GLG1: variants seen among roughly 807,000 people sequenced by gnomAD.
GLG1 encodes the protein golgi glycoprotein 1, also known as Golgi apparatus protein 1.
In GLG1, 38 loss-of-function variants were observed where a neutral mutation model predicts 160.5. The ratio of observed to expected loss-of-function variants is 0.24; its 90% CI spans 0.18 to 0.31. The LOEUF (loss-of-function observed/expected upper bound fraction) is 0.31. Among genes scored for constraint, GLG1 ranks in the 10% least tolerant of loss-of-function variants. GLG1 has a pLI of 1.00. For synonymous variants in GLG1, 644 were observed against 543.4 expected (o/e 1.19, Z -2.57); for missense variants, 1,373 against 1,505.2 (o/e 0.91, Z 1.45).
chr16:74,509,163 ATTTTTTTTTTTTT>A (rs11295055), intron 2 of GLG1, among the ~76,000 whole-genome samples: 4 of 89,614 alleles, frequency 4.5e-5, no homozygotes, highest in Non-Finnish European at 8.5e-5. Flanking sequence ...CTAAAGGACA[ATTTTTTTTTTTTT>A]TTTTTTTTTT....
chr16:74,487,844 T>C (rs1487347000), intron 8 of GLG1, among the ~76,000 whole-genome samples: 1 of 152,162 alleles, frequency 6.6e-6, no homozygotes, highest in Non-Finnish European at 1.5e-5. Context: ...GGGATCATTA[T>C]CATTGCCACT....
chr16:74,595,173 G>T (rs1001432685), intron 1 of GLG1, among the ~76,000 whole-genome samples: 3 of 151,168 alleles, frequency 2.0e-5, no homozygotes, highest in African/African-American at 7.3e-5. Flanking sequence ...GGGCAACAGA[G>T]CAAGAATCCG....
chr16:74,523,686 C>T (rs553247902), intron 2 of GLG1, among the ~76,000 whole-genome samples: 1 of 151,970 alleles, frequency 6.6e-6, no homozygotes, highest in South Asian at 2.1e-4. Flanking sequence ...TGATGCTTTA[C>T]ATGTTACTTT....
chr16:74,527,912 T>C (rs1597311612), intron 2 of GLG1, among the ~76,000 whole-genome samples: 1 of 137,408 alleles, frequency 7.3e-6, no homozygotes. Flanking sequence ...TGAGATGGAG[T>C]CTCGTTCTGT....
chr16:74,580,143 C>T (rs190473408), intron 1 of GLG1, among the ~76,000 whole-genome samples: 3 of 152,106 alleles, frequency 2.0e-5, no homozygotes, highest in East Asian at 3.9e-4. Context: ...AAACACAGGC[C>T]TAAATCCTAA....
intron 1 of GLG1, among the ~76,000 whole-genome samples, chr16:74,538,631 T>A (rs1030853593): frequency 7.2e-5 from 11 of 152,324 alleles, no homozygotes; most frequent in African/African-American, 2.6e-4. Context: ...AATGTTCTGA[T>A]TCACTAAAGA....
At chr16:74,601,901 C>T (rs1057314829) in intron 1 of GLG1, among the ~76,000 whole-genome samples, 2 of 152,112 alleles carry the variant, frequency 1.3e-5, no homozygotes, top group Non-Finnish European at 2.9e-5. Flanking sequence ...TTCCTGAACA[C>T]CAGCTCTACC....
chr16:74,503,542 G>A lies in GLG1; in HGVS notation c.763C>T (p.Leu255Phe). The A allele has an allele frequency of 6.2e-7, 1 of 1,608,638 alleles. No individual in the cohort carries two copies. Among genetic ancestry groups the A allele is most frequent in the Non-Finnish European group, 8.5e-7 (1 of 1,175,116 alleles). ...INILKCGSIRLGEKDAHSQGE... is the reference protein window; with the variant it reads ...INILKCGSIRFGEKDAHSQGE... ...GTAGTATTAGATACCTTTTCTCCAA[G>A]CCGAATACTGCCACATTTCAGAATG... The change falls in exon 4 of 26, where the codon CTT (leucine) becomes TTT (phenylalanine). Residue 255 changes from leucine to phenylalanine, a missense_variant. Transcript: ENST00000422840.
chr16:74,574,737 A>G (rs1035011956), intron 1 of GLG1, among the ~76,000 whole-genome samples: 1 of 151,380 alleles, frequency 6.6e-6, no homozygotes, highest in Non-Finnish European at 1.5e-5. Context: ...ACAAAAAATT[A>G]GCTGAGCATG....
chr16:74,567,197 C>T (rs571371939), intron 1 of GLG1, among the ~76,000 whole-genome samples: 75 of 141,318 alleles, frequency 5.3e-4, no homozygotes, highest in African/African-American at 1.8e-3. Context: ...GTGTAGGGAG[C>T]GGGGAGAGAG....
At chr16:74,464,750 C>G (rs1490486373) in intron 19 of GLG1, among the ~76,000 whole-genome samples, 2 of 152,070 alleles carry the variant, frequency 1.3e-5, no homozygotes, top group Admixed American at 6.5e-5. Context: ...AAAATTCTCT[C>G]TAGAATTTAT....
Position 74,449,821 on chromosome 16 carries a change from T to A in GLG1, c.*3346A>T, listed in dbSNP as rs572068683. The A allele has an allele frequency of 6.6e-6, 1 of 152,246 alleles. No individual in the cohort carries two copies. Among genetic ancestry groups the A allele is most frequent in the Non-Finnish European group, 1.5e-5 (1 of 68,026 alleles). The allele number at this position is 152,246 out of a possible 1,614,324, so 9.4% of individuals were successfully genotyped here. On this transcript the variant is annotated 3_prime_UTR_variant, in exon 26 of 26. Transcript: ENST00000422840. ...CGGGGGTGATCCCAAGCCTATGGAG[T>A]GCATGGCTCCCCTGCCGGTGCTTCT...
intron 1 of GLG1, among the ~76,000 whole-genome samples, chr16:74,580,085 A>G (rs2143817327): frequency 6.6e-6 from 1 of 152,322 alleles, no homozygotes; most frequent in African/African-American, 2.4e-5. Flanking sequence ...AAAAAACCTT[A>G]GGATAACTTT....
At chr16:74,523,915 TA>T (rs201590722) in intron 2 of GLG1, among the ~76,000 whole-genome samples, 1,723 of 151,940 alleles carry the variant, frequency 0.011, 17 homozygotes, top group Non-Finnish European at 0.016. Flanking sequence ...TAGTGCATTT[TA>T]AAAAAAATAA....
intron 1 of GLG1, among the ~76,000 whole-genome samples, chr16:74,601,153 C>T (rs1958429949): frequency 3.3e-5 from 5 of 152,130 alleles, no homozygotes; most frequent in Admixed American, 2.6e-4. Context: ...TTCATTGTCA[C>T]TGATTCCCTC....
intron 25 of GLG1, among the ~76,000 whole-genome samples, chr16:74,455,469 T>C (rs1026362253): frequency 1.3e-5 from 2 of 152,190 alleles, no homozygotes; most frequent in Non-Finnish European, 2.9e-5. Flanking sequence ...TAACGCAGCA[T>C]CTCCTGCTGC....
intron 1 of GLG1, among the ~76,000 whole-genome samples, chr16:74,536,686 CTTTAA>C (rs1232611410): frequency 6.6e-6 from 1 of 152,022 alleles, no homozygotes; most frequent in African/African-American, 2.4e-5. Context: ...AAAGCTTATC[CTTTAA>C]TTTATGTTTT....
chr16:74,512,781 A>C (rs991411274), intron 2 of GLG1, among the ~76,000 whole-genome samples: 1 of 152,186 alleles, frequency 6.6e-6, no homozygotes, highest in Admixed American at 6.5e-5. Flanking sequence ...AAACAATAAA[A>C]ATATAGTGTG....
At chr16:74,606,254 G>A (rs1247033882) in intron 1 of GLG1, among the ~76,000 whole-genome samples, 1 of 152,226 alleles carries the variant, frequency 6.6e-6, no homozygotes, top group African/African-American at 2.4e-5. Context: ...AAGTACGCCA[G>A]GCATTTTTTT....
Sources: allele counts gnomAD v4.1 joint callset (sites outside exome capture counted in the v4.1 genomes callset), GRCh38; gene constraint gnomAD v4.1.1; transcripts MANE v1.5; gene names NCBI Gene and HGNC (gene_info 2026-07-23, HGNC 2026-07-21).